The following NAA10 variants were observed in gnomAD, a reference collection of about 807,000 sequenced individuals.
NAA10 encodes N-alpha-acetyltransferase 10, NatA catalytic subunit, also known as N-alpha-acetyltransferase 10.
Under a neutral mutation model 19.2 loss-of-function variants are expected in NAA10, and 6 were observed. The ratio of observed to expected loss-of-function variants is 0.31; its 90% CI spans 0.17 to 0.62. NAA10 has a LOEUF of 0.62. NAA10 is among the 20% of genes least tolerant of loss of function. The probability of loss-of-function intolerance (pLI) is 0.83; values close to 1 mark genes in which losing one functional copy is unlikely to be tolerated. For synonymous variants in NAA10, 97 were observed against 79.9 expected (o/e 1.21, Z -1.14); for missense variants, 101 against 198.4 (o/e 0.51, Z 2.95).
At position 153,933,896 on chromosome X, in the gene NAA10, C is replaced by T. The variant is rs782119080; in HGVS notation, c.179+47G>A. ...TCATTTTTTTTAAAGCCCACAGAGG[C>T]ATCCACCAGACACGTGTAGCTTCTG... is the stretch of plus-strand genomic sequence containing the variant. On this transcript the variant is annotated intron_variant, in intron 3 of 7. Transcript: ENST00000464845. The T allele has an allele frequency of 7.4e-6, 8 of 1,085,611 alleles. No individual in the cohort carries two copies. In the East Asian group the frequency reaches 1.8e-4, roughly 25 times the overall value. The allele number at this position is 1,085,611 out of a possible 1,213,427, so 89.5% of individuals were successfully genotyped here. A position where few individuals can be genotyped will look rare whatever the true frequency, so the allele number is the denominator to read the frequency against.
Position 153,930,785 on chromosome X carries a change from T to C in NAA10, c.449A>G (p.Asp150Gly). The change falls in exon 7 of 8, where the codon GAC becomes GGC. Residue 150 changes from aspartate (D) to glycine (G), a missense_variant. Transcript: ENST00000464845. ...DGEDAYAMKR[D>G]LTQMADELRR... ...TACCTCGTCGGCCATCTGAGTGAGG[T>C]CCCGCTTCATGGCATAGGCGTCCTC... The C allele has an allele frequency of 8.3e-7, 1 of 1,211,584 alleles. No individual in the cohort carries two copies. Among genetic ancestry groups the C allele is most frequent in the Non-Finnish European group, 1.1e-6 (1 of 895,403 alleles).
chrX:153,932,030 G>C, intron 6 of NAA10, 41 bp downstream of exon 6: 2 of 1,212,043 alleles, frequency 1.7e-6, no homozygotes, highest in Non-Finnish European at 1.1e-6. Context: ...GCCAGACCTG[G>C]GATCAACCCC....
chrX:153,929,908 C>T lies in NAA10; in HGVS notation c.*79G>A. 5.9e-6 allele frequency: 5 copies of T among 853,101 alleles called. No homozygotes were observed. Among genetic ancestry groups the T allele is most frequent in the Non-Finnish European group, 8.7e-6 (5 of 571,615 alleles). 70.3% of individuals were successfully genotyped at this position (853,101 alleles called of 1,213,427 possible). On this transcript the variant is annotated 3_prime_UTR_variant, in exon 8 of 8. Transcript: ENST00000464845. ...AACACACCCTCTAAATGTGCGCGCGCTCACACACAAAGTTCCCCAGTGCCA... is the reference window on the plus strand; with the variant it reads ...AACACACCCTCTAAATGTGCGCGCGTTCACACACAAAGTTCCCCAGTGCCA...
chrX:153,929,987 C>T lies in NAA10; in HGVS notation c.708G>A (p.Ter236=). 4.1e-6 allele frequency: 5 copies of T among 1,206,813 alleles called. No individual in the cohort carries two copies. The highest frequency in any genetic ancestry group is 5.6e-6 in the Non-Finnish European group (5 of 891,502). ...GGGTGAGGAGGGGATGGGGCAGGCTCTAGGAGGCTGAGTCGGAGGCCTCTG... is the reference window on the plus strand; with the variant it reads ...GGGTGAGGAGGGGATGGGGCAGGCTTTAGGAGGCTGAGTCGGAGGCCTCTG... The part of the protein sequence containing the change: ...DSSEASDSAS[*] The change falls in exon 8 of 8, where the codon TAG becomes TAA. Residue 236 remains the stop codon, a stop_retained_variant. Coordinates refer to ENST00000464845, the MANE Select transcript of NAA10 (RefSeq NM_003491.4).
chrX:153,933,726 T>C, intron 3 of NAA10: 1 of 389,632 alleles, frequency 2.6e-6, no homozygotes. Flanking sequence ...TTATCACTTG[T>C]CACAAGTGGA....
chrX:153,934,527 A>G (rs1557108007), intron 1 of NAA10, 52 bp from the exon 2 acceptor site: 1 of 969,728 alleles, frequency 1.0e-6, no homozygotes, highest in South Asian at 2.0e-5. Context: ...GGCGGTGACC[A>G]CGGGTGAGAA....
At position 153,932,100 on chromosome X, in the gene NAA10, C is replaced by T; in HGVS notation, c.357G>A (p.Leu119=). 8.3e-7 allele frequency: 1 copy of T among 1,211,900 alleles called. No individual in the cohort carries two copies. The highest frequency in any genetic ancestry group is 1.1e-6 in the Non-Finnish European group (1 of 895,578). The change falls in exon 6 of 8, where the codon CTG becomes CTA. Residue 119 remains leucine (L), a synonymous_variant. Transcript: ENST00000464845. ...AGTTGAGGGTGTTGGAATAGAGGTG[C>T]AGGGCGGCCCGGTTACTGCAGGGGA... is the stretch of plus-strand genomic sequence containing the variant. ...LHVRKSNRAA[L]HLYSNTLNFQ... is the part of the protein sequence containing the mutation.
intron 1 of NAA10, 133 bp from the exon 2 acceptor site, chrX:153,934,608 G>T: frequency 1.6e-6 from 1 of 620,363 alleles, no homozygotes; most frequent in Non-Finnish European, 2.6e-6. Context: ...ATCTGACTTT[G>T]CACAACGCCC....
At chrX:153,931,620 C>T in intron 6 of NAA10, 1 of 754,840 alleles carries the variant, frequency 1.3e-6, no homozygotes, top group Non-Finnish European at 1.6e-6. Context: ...GGCAGACCTC[C>T]CCCATCCACT....
In NAA10 at chrX:153,934,913, C is replaced by T. The variant is rs2065188874; in HGVS notation, c.-9G>A. 2.0e-6 allele frequency: 2 copies of T among 1,003,896 alleles called. No homozygotes were observed. Among genetic ancestry groups the T allele is most frequent in the South Asian group, 2.7e-5 (1 of 36,788 alleles). 82.7% of individuals were successfully genotyped at this position (1,003,896 alleles called of 1,213,427 possible). A position where few individuals can be genotyped will look rare whatever the true frequency, so the allele number is the denominator to read the frequency against. ...GCATTGCGGATGTTCATAACGGCGGCGGGGCTCGCGGGTCCCAGCGGATCG... is the reference window on the plus strand; with the variant it reads ...GCATTGCGGATGTTCATAACGGCGGTGGGGCTCGCGGGTCCCAGCGGATCG... On this transcript the variant is annotated 5_prime_UTR_variant, in exon 1 of 8. Transcript: ENST00000464845.
In NAA10 at chrX:153,932,405, G is replaced by C. The variant is rs372290612; in HGVS notation, c.252C>G (p.Leu84=). ...GGTCCATCAGTTTCTGAGCCAGACC[G>C]AGGCGCCGGTGGGAACGCTTCACAG... ...SLAVKRSHRR[L]GLAQKLMDQA... Residue 84 remains leucine (L), a synonymous_variant, in exon 5 of 8, where the codon CTC becomes CTG. Transcript: ENST00000464845. The C allele has an allele frequency of 1.2e-5, 15 of 1,210,156 alleles. No individual in the cohort carries two copies. The East Asian group carries it at 3.3e-4, about 26-fold the overall frequency.
In NAA10 at chrX:153,929,806, T is replaced by G; in HGVS notation, c.*181A>C. 2.2e-6 allele frequency: 1 copy of G among 458,244 alleles called. No homozygotes were observed. The highest frequency in any genetic ancestry group is 3.8e-6 in the Non-Finnish European group (1 of 262,589). The allele number at this position is 458,244 out of a possible 1,213,427, so 37.8% of individuals were successfully genotyped here. ...CTAGGGAGTCCCACCTCCAAAGCTCTTTCCTTGTACTCGGGCCTGGCAGGA... is the reference window on the plus strand; with the variant it reads ...CTAGGGAGTCCCACCTCCAAAGCTCGTTCCTTGTACTCGGGCCTGGCAGGA... On this transcript the variant is annotated 3_prime_UTR_variant, in exon 8 of 8. Coordinates refer to ENST00000464845, the MANE Select transcript of NAA10 (RefSeq NM_003491.4).
chrX:153,929,984 G>C lies in NAA10; in HGVS notation c.*3C>G, dbSNP rs782763687. The C allele has an allele frequency of 5.7e-5, 68 of 1,198,087 alleles. No homozygotes were observed. In the Admixed American group the frequency reaches 1.4e-3, roughly 25 times the overall value. On this transcript the variant is annotated 3_prime_UTR_variant, in exon 8 of 8. Coordinates refer to ENST00000464845, the MANE Select transcript of NAA10 (RefSeq NM_003491.4). The stretch of plus-strand genomic sequence containing the variant: ...GTGGGGTGAGGAGGGGATGGGGCAG[G>C]CTCTAGGAGGCTGAGTCGGAGGCCT...
At chrX:153,934,189 CCCCTATTCTCTGCT>C (rs2065183127) in intron 2 of NAA10, 174 bp downstream of exon 2, 1 of 547,599 alleles carries the variant, frequency 1.8e-6, no homozygotes, top group African/African-American at 2.3e-5. Context: ...GGGGATCCTG[CCCCTATTCTCTGCT>C]CCCTTCGGGC....
In NAA10 at chrX:153,933,802, A is replaced by T. The variant is rs1603290657; in HGVS notation, c.179+141T>A. 4 of 533,871 alleles carry T rather than the reference A, an allele frequency of 7.5e-6. No individual in the cohort carries two copies. In the East Asian group the frequency reaches 1.3e-4, roughly 18 times the overall value. 44.0% of individuals were successfully genotyped at this position (533,871 alleles called of 1,213,427 possible). A position where few individuals can be genotyped will look rare whatever the true frequency, so the allele number is the denominator to read the frequency against. On this transcript the variant is annotated intron_variant, in intron 3 of 7. Coordinates refer to ENST00000464845, the MANE Select transcript of NAA10 (RefSeq NM_003491.4). ...GGGAGGGGATGCTGAGGGGTGCTAT[A>T]AGAACTCCATGTCCTTTCTGTTCAA... is the stretch of plus-strand genomic sequence containing the variant.
At chrX:153,932,239 A>C (rs2065170638) in intron 5 of NAA10, 77 bp downstream of exon 5, 2 of 1,135,357 alleles carry the variant, frequency 1.8e-6, no homozygotes, top group Non-Finnish European at 2.4e-6. Context: ...TCTTCACCAA[A>C]AGCTGAGGTA....
At chrX:153,930,636 A>T in intron 7 of NAA10, 127 bp downstream of exon 7, 1 of 689,420 alleles carries the variant, frequency 1.5e-6, no homozygotes, top group Non-Finnish European at 2.3e-6. Context: ...TAGGAAACTG[A>T]GGTCGTGACT....
rs1557107115 is a variant in NAA10 at position 153,930,047 on chromosome X, G to T, written c.648C>A (p.Ser216Arg). ...TGACATCTGTGCTCTCTGTGGTCTCGCTGACCTCGCTGAGGTCCTTGCTGT... is the reference window on the plus strand; with the variant it reads ...TGACATCTGTGCTCTCTGTGGTCTCTCTGACCTCGCTGAGGTCCTTGCTGT... ...GGDSKDLSEVSETTESTDVKD... is the reference protein window; with the variant it reads ...GGDSKDLSEVRETTESTDVKD... The change falls in exon 8 of 8, where the codon AGC becomes AGA. Residue 216 changes from serine (S) to arginine (R), a missense_variant. Physicochemically the swap from Ser to Arg is moderately radical, Grantham distance 110 (BLOSUM62 -1). Transcript: ENST00000464845. 8.3e-7 allele frequency: 1 copy of T among 1,210,724 alleles called. No individual in the cohort carries two copies. The highest frequency in any genetic ancestry group is 2.2e-5 in the Admixed American group (1 of 45,953).
chrX:153,932,514 G>A (rs782795063), intron 4 of NAA10, 25 bp downstream of exon 4: 13 of 1,201,034 alleles, frequency 1.1e-5, no homozygotes, highest in Admixed American at 8.9e-5. Flanking sequence ...ACCCCCACCA[G>A]AGAGCCTGGG....
Sources: allele counts gnomAD v4.1 joint callset, GRCh38; gene constraint gnomAD v4.1.1; transcripts MANE v1.5; gene names NCBI Gene and HGNC (gene_info 2026-07-23, HGNC 2026-07-21).